Variants in ERP44 observed in about 807,000 individuals in gnomAD.
ERP44 encodes the protein endoplasmic reticulum protein 44.
ERP44 carries 25 observed loss-of-function variants against 53.4 expected under a neutral mutation model. The observed-to-expected ratio is 0.47, with a 90% CI of 0.34 to 0.65. ERP44 has a LOEUF of 0.65. ERP44 is among the 30% of genes least tolerant of loss of function. ERP44 has a pLI of 0.01. For missense variants in ERP44, 338 were observed against 493.2 expected, an observed-to-expected ratio of 0.69 and a Z score of 2.98; for synonymous variants, 145 against 161.2, an observed-to-expected ratio of 0.90 and a Z score of 0.76.
intron 1 of ERP44, among the ~76,000 whole-genome samples, chr9:100,067,971 C>T (rs1358021966): frequency 4.0e-5 from 6 of 151,478 alleles, no homozygotes; most frequent in South Asian, 2.1e-4. Flanking sequence ...CCACCCCGTC[C>T]GGGAGGGAGG....
chr9:99,986,500 T>A (rs1384824117), intron 10 of ERP44, among the ~76,000 whole-genome samples: 1 of 152,248 alleles, frequency 6.6e-6, no homozygotes, highest in East Asian at 1.9e-4. Flanking sequence ...ATATACACTT[T>A]AATTCCTTGG....
Position 100,016,347 on chromosome 9 carries a change from C to G in ERP44, c.737G>C (p.Arg246Pro). 1 of 1,611,174 alleles carries G rather than the reference C, an allele frequency of 6.2e-7. No homozygotes were observed. Among genetic ancestry groups the G allele is most frequent in the Non-Finnish European group, 8.5e-7 (1 of 1,179,074 alleles). ...WIQDKCVPLV[R>P]EITFENGEEL... Reference sequence around the variant, plus strand: ...CTCTCCATTTTCAAATGTTATTTCTCGGACAAGAGGAACACATTTATCTTG... The same window carrying G: ...CTCTCCATTTTCAAATGTTATTTCTGGGACAAGAGGAACACATTTATCTTG... Residue 246 changes from arginine (R) to proline (P), a missense_variant, in exon 8 of 12, where the codon CGA becomes CCA. By Grantham distance (103) the Arg-to-Pro change is moderately radical. Around this residue, in one of 3 missense-constraint regions of ERP44, gnomAD observed 224 missense variants for 301.4 expected, o/e 0.74. Coordinates refer to ENST00000262455, the MANE Select transcript of ERP44 (RefSeq NM_015051.3).
chr9:100,008,003 A>G (rs1358244926), intron 8 of ERP44, among the ~76,000 whole-genome samples: 1 of 152,226 alleles, frequency 6.6e-6, no homozygotes, highest in Non-Finnish European at 1.5e-5. Context: ...AATTCATGAC[A>G]TATAGAGGTG....
intron 1 of ERP44, among the ~76,000 whole-genome samples, chr9:100,067,903 AG>A (rs1469742489): frequency 1.4e-5 from 2 of 145,568 alleles, no homozygotes; most frequent in Non-Finnish European, 3.0e-5. Flanking sequence ...AGAAGTGAGG[AG>A]CCCCTCCGCC....
chr9:100,048,468 CA>C (rs1826000854), intron 4 of ERP44, among the ~76,000 whole-genome samples: 1 of 151,706 alleles, frequency 6.6e-6, no homozygotes, highest in South Asian at 2.1e-4. Context: ...GATGTTTCTT[CA>C]AAAAATTAAA....
chr9:100,061,203 G>A (rs1826142516), intron 1 of ERP44, among the ~76,000 whole-genome samples: 1 of 152,152 alleles, frequency 6.6e-6, no homozygotes, highest in Non-Finnish European at 1.5e-5. Flanking sequence ...AGCACTTTGA[G>A]AGGCCAAGGC....
At chr9:100,033,945 T>C (rs1005177090) in intron 4 of ERP44, among the ~76,000 whole-genome samples, 1 of 152,190 alleles carries the variant, frequency 6.6e-6, no homozygotes, top group Non-Finnish European at 1.5e-5. Flanking sequence ...TTTGTCCCTC[T>C]ACAATCCTTA....
intron 10 of ERP44, among the ~76,000 whole-genome samples, chr9:99,990,304 A>C (rs556196372): frequency 1.3e-5 from 2 of 152,358 alleles, no homozygotes; most frequent in South Asian, 4.1e-4. Context: ...CATCAGACTA[A>C]CAGCGGATAT....
chr9:100,058,729 TGTA>T (rs1328342062), intron 2 of ERP44, among the ~76,000 whole-genome samples: 1 of 152,192 alleles, frequency 6.6e-6, no homozygotes, highest in Non-Finnish European at 1.5e-5. Flanking sequence ...ATGAGAAAGA[TGTA>T]GTGCTTTTTG....
At chr9:100,019,113 A>G (rs1484133401) in intron 6 of ERP44, among the ~76,000 whole-genome samples, 1 of 152,248 alleles carries the variant, frequency 6.6e-6, no homozygotes, top group African/African-American at 2.4e-5. Context: ...AATAAGTGGA[A>G]TAAGTAAAGA....
intron 1 of ERP44, among the ~76,000 whole-genome samples, chr9:100,086,805 A>G (rs1011685740): frequency 6.6e-6 from 1 of 152,142 alleles, no homozygotes. Context: ...TCCATAATTG[A>G]TCAACTCTCC....
intron 1 of ERP44, among the ~76,000 whole-genome samples, chr9:100,083,127 A>G (rs1008033326): frequency 6.6e-6 from 1 of 152,092 alleles, no homozygotes; most frequent in Admixed American, 6.5e-5. Context: ...TCCCTAAATT[A>G]TAAAAAGCTC....
chr9:100,062,735 A>G (rs1272868354), intron 1 of ERP44, among the ~76,000 whole-genome samples: 1 of 152,148 alleles, frequency 6.6e-6, no homozygotes, highest in Non-Finnish European at 1.5e-5. Context: ...ATTATCATCT[A>G]TCAAAATATG....
intron 8 of ERP44, among the ~76,000 whole-genome samples, chr9:100,010,842 A>C (rs1356243185): frequency 6.6e-6 from 1 of 150,796 alleles, no homozygotes; most frequent in Non-Finnish European, 1.5e-5. Context: ...CAGAGGTTAC[A>C]GTGAGCCGAG....
In ERP44 at chr9:100,094,148, A is replaced by T. The variant is rs545780484; in HGVS notation, c.57+4636T>A. Among the ~76,000 whole-genome samples the T allele has an allele frequency of 2.0e-5, 3 of 152,324 alleles. No individual in the cohort carries two copies. In the East Asian group the frequency reaches 5.8e-4, roughly 29 times the overall value. On this transcript the variant is annotated intron_variant, in intron 1 of 11. Coordinates refer to ENST00000262455, the MANE Select transcript of ERP44 (RefSeq NM_015051.3). Reference sequence around the variant, plus strand: ...CAGTGAACTGGTATCTATCCAGTGAAGCATAAGCAGTTAAAAAGAAATAGG... The same window carrying T: ...CAGTGAACTGGTATCTATCCAGTGATGCATAAGCAGTTAAAAAGAAATAGG...
chr9:100,001,663 C>T (rs890820734), intron 10 of ERP44, among the ~76,000 whole-genome samples: 2 of 152,028 alleles, frequency 1.3e-5, no homozygotes, highest in Admixed American at 6.6e-5. Flanking sequence ...CCATATGTCC[C>T]GAATATCTGT....
At chr9:100,086,719 A>G (rs1432076655) in intron 1 of ERP44, among the ~76,000 whole-genome samples, 2 of 152,236 alleles carry the variant, frequency 1.3e-5, no homozygotes, top group Non-Finnish European at 2.9e-5. Flanking sequence ...GGAATGAAGC[A>G]GGTCTTTCCA....
At chr9:100,026,244 G>A (rs1483848248) in intron 4 of ERP44, among the ~76,000 whole-genome samples, 7 of 152,144 alleles carry the variant, frequency 4.6e-5, no homozygotes, top group Admixed American at 2.0e-4. Flanking sequence ...ATCTCCTATG[G>A]CCTCCTGGTA....
intron 1 of ERP44, among the ~76,000 whole-genome samples, chr9:100,074,093 T>C (rs1419914598): frequency 6.6e-6 from 1 of 152,206 alleles, no homozygotes; most frequent in Non-Finnish European, 1.5e-5. Flanking sequence ...TAAAAAGCCA[T>C]GATCCATGCT....
Sources: allele counts gnomAD v4.1 joint callset (sites outside exome capture counted in the v4.1 genomes callset), GRCh38; gene constraint gnomAD v4.1.1; regional missense constraint gnomAD v4.1.1; transcripts MANE v1.5; gene names NCBI Gene and HGNC (gene_info 2026-07-23, HGNC 2026-07-21).